PTGER3: variants seen among roughly 807,000 people sequenced by gnomAD.
PTGER3 encodes the protein prostaglandin E2 receptor EP3 subtype.
Under a neutral mutation model 34.7 loss-of-function variants are expected in PTGER3, and 22 were observed. The observed-to-expected ratio is 0.63, with a 90% CI of 0.45 to 0.91. The LOEUF is 0.91. PTGER3 is among the 40% of genes least tolerant of loss of function. PTGER3 has a pLI of 0.00. For synonymous variants in PTGER3, 241 were observed against 230.1 expected, an observed-to-expected ratio of 1.05 and a Z score of -0.43; for missense variants, 468 against 519.4, an observed-to-expected ratio of 0.90 and a Z score of 0.96.
At chr1:70,973,215 G>A (rs929394098) in intron 3 of PTGER3, among the ~76,000 whole-genome samples, 28 of 122,990 alleles carry the variant, frequency 2.3e-4, no homozygotes, top group Non-Finnish European at 3.9e-4. Context: ...TAGATAGATA[G>A]ATAGATGATA....
intron 4 of PTGER3, among the ~76,000 whole-genome samples, chr1:70,856,585 A>G (rs2100447880): frequency 6.6e-6 from 1 of 152,290 alleles, no homozygotes; most frequent in Admixed American, 6.5e-5. Context: ...TTTGCTCTGT[A>G]ATTTTATACC....
chr1:70,904,671 A>C (rs1407319369), intron 4 of PTGER3, among the ~76,000 whole-genome samples: 1 of 152,192 alleles, frequency 6.6e-6, no homozygotes, highest in East Asian at 1.9e-4. Flanking sequence ...CTGGTGGAAG[A>C]AATTTCTAAG....
chr1:71,037,422 T>G (rs2817864), intron 1 of PTGER3, among the ~76,000 whole-genome samples: 59,649 of 152,030 alleles, frequency 0.39, 12,230 homozygotes, highest in South Asian at 0.46. Context: ...TGCTCAACCT[T>G]TATAGCTAAA....
intron 2 of PTGER3, among the ~76,000 whole-genome samples, chr1:70,981,315 CCTTT>C (rs1391730071): frequency 1.5e-4 from 14 of 95,726 alleles, no homozygotes; most frequent in African/African-American, 5.9e-4. Flanking sequence ...TTCCTTCCTT[CCTTT>C]CTTCTTTCTT....
intron 4 of PTGER3, among the ~76,000 whole-genome samples, chr1:70,916,013 C>G (rs990286571): frequency 4.6e-5 from 7 of 151,772 alleles, no homozygotes; most frequent in African/African-American, 1.7e-4. Flanking sequence ...TATTCAGAAT[C>G]TATAAGGAAC....
At chr1:71,044,990 A>G (rs779591371) in intron 1 of PTGER3, among the ~76,000 whole-genome samples, 33 of 152,174 alleles carry the variant, frequency 2.2e-4, no homozygotes, top group Non-Finnish European at 2.1e-4. Context: ...CTAGTTGGCC[A>G]CCTGTACACT....
chr1:70,899,567 G>A (rs145101566), intron 4 of PTGER3, among the ~76,000 whole-genome samples: 7 of 152,148 alleles, frequency 4.6e-5, no homozygotes, highest in African/African-American at 1.7e-4. Flanking sequence ...AAATCGGCAT[G>A]AGCCAGATTA....
At position 71,012,424 on chromosome 1, in the gene PTGER3, C is replaced by T. The variant is rs754319632; in HGVS notation, c.958G>A (p.Glu320Lys). Reference sequence around the variant, plus strand: ...AAGAAGTTGCATTCTTTCTGCTTCTCCGTGTGTGTCTTGCAGTGCTCAACT... The same window carrying T: ...AAGAAGTTGCATTCTTTCTGCTTCTTCGTGTGTGTCTTGCAGTGCTCAACT... ...TSVEHCKTHT[E>K]KQKECNFFLI... Residue 320 changes from glutamate (E) to lysine (K), a missense_variant, in exon 2 of 4, where the codon GAG becomes AAG. By Grantham distance (56) the Glu-to-Lys change is moderately conservative. Transcript: ENST00000306666. The T allele has an allele frequency of 1.2e-6, 2 of 1,614,136 alleles. No homozygotes were observed. The highest frequency in any genetic ancestry group is 2.2e-5 in the South Asian group (2 of 91,082).
intron 1 of PTGER3, among the ~76,000 whole-genome samples, chr1:71,020,037 A>G (rs1658260823): frequency 6.6e-6 from 1 of 152,202 alleles, no homozygotes; most frequent in Admixed American, 6.5e-5. Context: ...ATTTCATCAT[A>G]ATACACTAAA....
chr1:70,951,749 A>C (rs910943738), downstream of PTGER3, among the ~76,000 whole-genome samples: 1 of 152,188 alleles, frequency 6.6e-6, no homozygotes, highest in African/African-American at 2.4e-5. Flanking sequence ...TGCTTGGTAG[A>C]TTCAAGGACA....
intron 2 of PTGER3, chr1:71,006,229 C>G: frequency 1.0e-6 from 1 of 985,388 alleles, no homozygotes; most frequent in Non-Finnish European, 1.2e-6. Flanking sequence ...CTAGAACCCC[C>G]ACATGGGAGG....
intron 2 of PTGER3, among the ~76,000 whole-genome samples, chr1:70,985,440 C>T (rs1265796585): frequency 6.6e-6 from 1 of 152,054 alleles, no homozygotes; most frequent in East Asian, 1.9e-4. Flanking sequence ...ACTCAGTGTA[C>T]CACTGGAGGC....
intron 1 of PTGER3, among the ~76,000 whole-genome samples, chr1:71,033,214 C>T (rs1659555621): frequency 6.6e-6 from 1 of 152,170 alleles, no homozygotes; most frequent in Admixed American, 6.5e-5. Context: ...GGTCCTATTT[C>T]TTGTCAGAGT....
At chr1:70,906,471 T>C (rs1646950707) in intron 4 of PTGER3, among the ~76,000 whole-genome samples, 1 of 152,096 alleles carries the variant, frequency 6.6e-6, no homozygotes, top group African/African-American at 2.4e-5. Flanking sequence ...TTAAAAAGCA[T>C]CCCAAATCAG....
At chr1:70,955,669 T>C (rs1651247905) in intron 2 of PTGER3, among the ~76,000 whole-genome samples, 1 of 152,136 alleles carries the variant, frequency 6.6e-6, no homozygotes, top group South Asian at 2.1e-4. Context: ...TTGTCCTCTT[T>C]CCCCAGTAGA....
At chr1:70,981,392 T>TTCCTTCC (rs1654339494) in intron 2 of PTGER3, among the ~76,000 whole-genome samples, 1 of 40,452 alleles carries the variant, frequency 2.5e-5, no homozygotes, top group Non-Finnish European at 4.7e-5. Context: ...TCTTTCTTTC[T>TTCCTTCC]TTCCTTCCTT....
At chr1:70,972,438 T>C (rs753441844) in intron 3 of PTGER3, among the ~76,000 whole-genome samples, 8 of 152,150 alleles carry the variant, frequency 5.3e-5, no homozygotes, top group Non-Finnish European at 8.8e-5. Context: ...ATTTTAAATC[T>C]AATTATTTTC....
rs145552662 is a variant in PTGER3, at chr1:70,878,157, T to A, written c.*24-25298A>T. The stretch of plus-strand genomic sequence containing the variant: ...ACTGATTCAATTTCCAAACATGTTA[T>A]TGGTCTGTTCAGGGATTCAGTTTCT... On this transcript the variant is annotated intron_variant, in intron 4 of 4. Coordinates refer to the PTGER3 transcript ENST00000370931. Among the ~76,000 whole-genome samples, 1,190 of 152,288 alleles carry A rather than the reference T, an allele frequency of 7.8e-3. 27 individuals are homozygous for A. Among genetic ancestry groups the A allele is most frequent in the Non-Finnish European group, 7.0e-3 (474 of 68,016 alleles).
rs34765576 is a variant in PTGER3, at chr1:70,928,868, TACAC to T, written c.*23+24891_*23+24894del. Reference sequence around the variant, plus strand: ...TTTTTCCACCCTAGGAATTTACAGATACACACACACACACACACACACACACACT... The same window carrying T: ...TTTTTCCACCCTAGGAATTTACAGATACACACACACACACACACACACACT... On this transcript the variant is annotated intron_variant, in intron 4 of 4. Coordinates refer to the PTGER3 transcript ENST00000370931. 1.6e-3 allele frequency among the ~76,000 whole-genome samples: 241 copies of T among 147,232 alleles called. 3 individuals carry two copies. The East Asian group carries it at 0.029, about 18-fold the overall frequency.
Sources: allele counts gnomAD v4.1 joint callset (sites outside exome capture counted in the v4.1 genomes callset), GRCh38; gene constraint gnomAD v4.1.1; transcripts MANE v1.5; gene names NCBI Gene and HGNC (gene_info 2026-07-23, HGNC 2026-07-21).